Variants in KCND2 observed in about 807,000 individuals in gnomAD.
The protein encoded by KCND2 is potassium voltage-gated channel subfamily D member 2, also known as A-type voltage-gated potassium channel KCND2.
In KCND2, 16 loss-of-function variants were observed where a neutral mutation model predicts 54.4. The ratio of observed to expected loss-of-function variants is 0.29; its 90% CI spans 0.20 to 0.45. The LOEUF is 0.45. KCND2 is among the 20% of genes least tolerant of loss of function. KCND2 has a pLI of 1.00. For missense variants in KCND2, 486 were observed against 824.2 expected (o/e 0.59, Z 5.02); for synonymous variants, 317 against 310.7 (o/e 1.02, Z -0.21).
intron 1 of KCND2, among the ~76,000 whole-genome samples, chr7:120,279,132 A>G (rs1001683485): frequency 6.6e-6 from 1 of 151,988 alleles, no homozygotes; most frequent in Non-Finnish European, 1.5e-5. Flanking sequence ...TGCTAAACTT[A>G]GGAAATTTCC....
At chr7:120,545,208 C>T (rs1345022035) in intron 1 of KCND2, among the ~76,000 whole-genome samples, 2 of 151,750 alleles carry the variant, frequency 1.3e-5, no homozygotes, top group African/African-American at 4.8e-5. Context: ...CTTCTGTTTC[C>T]CACCCATCAA....
intron 1 of KCND2, among the ~76,000 whole-genome samples, chr7:120,562,886 TATAAG>T (rs1301385142): frequency 6.6e-6 from 1 of 152,172 alleles, no homozygotes; most frequent in Non-Finnish European, 1.5e-5. Flanking sequence ...GCCAAATTAC[TATAAG>T]ATAATGAAAG....
intron 1 of KCND2, among the ~76,000 whole-genome samples, chr7:120,474,386 G>A (rs553473352): frequency 5.3e-5 from 8 of 152,214 alleles, no homozygotes; most frequent in Middle Eastern, 3.4e-3. Context: ...GGCCCAGGCT[G>A]GAGTGCAGTG....
intron 1 of KCND2, among the ~76,000 whole-genome samples, chr7:120,589,741 A>G (rs763416873): frequency 3.3e-5 from 5 of 152,236 alleles, no homozygotes; most frequent in Non-Finnish European, 4.4e-5. Flanking sequence ...TATGAATTCT[A>G]TGAATGAATT....
At chr7:120,662,639 CTAAA>C (rs1404091025) in intron 1 of KCND2, among the ~76,000 whole-genome samples, 1 of 151,998 alleles carries the variant, frequency 6.6e-6, no homozygotes, top group Non-Finnish European at 1.5e-5. Flanking sequence ...TTTTTGGTTC[CTAAA>C]TAAAGATGAA....
intron 1 of KCND2, among the ~76,000 whole-genome samples, chr7:120,452,365 C>G (rs1802125701): frequency 6.6e-6 from 1 of 152,136 alleles, no homozygotes; most frequent in African/African-American, 2.4e-5. Flanking sequence ...CACTTACACT[C>G]GGAGCCAAGA....
At chr7:120,642,156 G>A (rs909503093) in intron 1 of KCND2, among the ~76,000 whole-genome samples, 6 of 151,850 alleles carry the variant, frequency 4.0e-5, no homozygotes, top group African/African-American at 1.2e-4. Flanking sequence ...TTTATATCAC[G>A]AATACATCCC....
chr7:120,565,303 G>A (rs1405810383), intron 1 of KCND2, among the ~76,000 whole-genome samples: 3 of 152,184 alleles, frequency 2.0e-5, no homozygotes, highest in Non-Finnish European at 4.4e-5. Context: ...TGTGAAAATA[G>A]ATTGGAGTTG....
At chr7:120,395,558 C>T (rs747869883) in intron 1 of KCND2, among the ~76,000 whole-genome samples, 10 of 152,112 alleles carry the variant, frequency 6.6e-5, no homozygotes, top group South Asian at 2.1e-4. Context: ...TGTTATTGAA[C>T]GGGTACTGCT....
chr7:120,664,163 T>C (rs1726501714), intron 1 of KCND2, among the ~76,000 whole-genome samples: 1 of 152,114 alleles, frequency 6.6e-6, no homozygotes, highest in South Asian at 2.1e-4. Flanking sequence ...TGTTTCTGTG[T>C]TTTAGTTTTG....
intron 1 of KCND2, among the ~76,000 whole-genome samples, chr7:120,471,092 C>A (rs919661028): frequency 6.6e-6 from 1 of 152,056 alleles, no homozygotes; most frequent in Non-Finnish European, 1.5e-5. Context: ...ACTGGGCTGT[C>A]ACCCCAAATT....
chr7:120,737,065 C>A (rs1380283838), intron 2 of KCND2, among the ~76,000 whole-genome samples: 20 of 143,628 alleles, frequency 1.4e-4, no homozygotes, highest in African/African-American at 5.3e-4. Context: ...CACACACACA[C>A]ACACACACAC....
chr7:120,742,426 GAT>G, intron 3 of KCND2, 82 bp from the exon 4 acceptor site: 1 of 1,067,222 alleles, frequency 9.4e-7, no homozygotes, highest in Non-Finnish European at 1.5e-6. Context: ...TAATAGAGCA[GAT>G]CTCTCTGTGG....
At chr7:120,575,305 C>G (rs1415016053) in intron 1 of KCND2, among the ~76,000 whole-genome samples, 2 of 152,192 alleles carry the variant, frequency 1.3e-5, no homozygotes, top group South Asian at 2.1e-4. Context: ...TGGCAAACCA[C>G]TGGTGTAAGT....
Position 120,274,722 on chromosome 7 carries a change from C to T in KCND2, c.90C>T (p.Pro30=). ...TGGCCTCGGGGCCTATGCCGGCTCC[C>T]CCGAGGCAGGAGAGGAAAAGGACCC... ...MPVASGPMPA[P]PRQERKRTQD... Residue 30 remains proline, a synonymous_variant, in exon 1 of 6, where the codon CCC becomes CCT. Transcript: ENST00000331113. 1 of 1,613,788 alleles carries T rather than the reference C, an allele frequency of 6.2e-7. No individual in the cohort carries two copies. Among genetic ancestry groups the T allele is most frequent in the South Asian group, 1.1e-5 (1 of 91,062 alleles).
rs556827467 is a variant in KCND2, at chr7:120,339,196, C to T, written c.1115+63449C>T. On this transcript the variant is annotated intron_variant, in intron 1 of 5. Coordinates refer to ENST00000331113, the MANE Select transcript of KCND2 (RefSeq NM_012281.3). ...GTGAGCCACAGCGCCCGGCCCCTTGCTACTATCTTTAATAGCTGTGTAATC... is the reference window on the plus strand; with the variant it reads ...GTGAGCCACAGCGCCCGGCCCCTTGTTACTATCTTTAATAGCTGTGTAATC... Among the ~76,000 whole-genome samples the T allele has an allele frequency of 2.0e-5, 3 of 151,894 alleles. No homozygotes were observed. The South Asian group carries it at 6.2e-4, about 32-fold the overall frequency.
At chr7:120,525,802 C>G (rs1791764874) in intron 1 of KCND2, among the ~76,000 whole-genome samples, 1 of 152,118 alleles carries the variant, frequency 6.6e-6, no homozygotes, top group African/African-American at 2.4e-5. Context: ...TGACCCACAC[C>G]ACCTCAGTGA....
At chr7:120,724,501 G>A (rs567930476) in intron 1 of KCND2, among the ~76,000 whole-genome samples, 61 of 152,288 alleles carry the variant, frequency 4.0e-4, no homozygotes, top group African/African-American at 1.3e-3. Flanking sequence ...GTAATAGAAA[G>A]TTATTTGTTC....
At chr7:120,632,085 A>C (rs924216165) in intron 1 of KCND2, among the ~76,000 whole-genome samples, 1 of 152,162 alleles carries the variant, frequency 6.6e-6, no homozygotes, top group African/African-American at 2.4e-5. Context: ...ATATTTTTGT[A>C]ACCTCTCTGA....
Sources: allele counts gnomAD v4.1 joint callset (sites outside exome capture counted in the v4.1 genomes callset), GRCh38; gene constraint gnomAD v4.1.1; transcripts MANE v1.5; gene names NCBI Gene and HGNC (gene_info 2026-07-23, HGNC 2026-07-21).